The following CNTN4 variants were observed in gnomAD, a reference collection of about 807,000 sequenced individuals.
The protein encoded by CNTN4 is contactin-4.
A neutral mutation model predicts 122.5 loss-of-function variants in CNTN4; 77 were observed. The observed-to-expected ratio is 0.63, with a 90% CI of 0.52 to 0.76. The LOEUF (loss-of-function observed/expected upper bound fraction) is 0.76, where lower values mean the gene tolerates loss of function less well. Ranked by LOEUF, CNTN4 falls within the 30% of genes least tolerant of loss-of-function variation. CNTN4 has a pLI of 0.00. For missense variants in CNTN4, 1,256 were observed against 1,259.1 expected (o/e 1.00, Z 0.04); for synonymous variants, 512 against 447.0 (o/e 1.15, Z -1.83).
chr3:2,932,065 G>A (rs1016125788), intron 13 of CNTN4, among the ~76,000 whole-genome samples: 5 of 151,382 alleles, frequency 3.3e-5, no homozygotes, highest in Non-Finnish European at 5.9e-5. Flanking sequence ...GGGGTGGGGG[G>A]TGGGAGTTTG....
intron 6 of CNTN4, among the ~76,000 whole-genome samples, chr3:2,754,434 G>T (rs1278968721): frequency 3.3e-5 from 5 of 152,038 alleles, no homozygotes; most frequent in Non-Finnish European, 5.9e-5. Context: ...GCATTATCAT[G>T]GTCATGGGCA....
At chr3:2,461,764 T>A (rs2049220432) in intron 3 of CNTN4, among the ~76,000 whole-genome samples, 1 of 152,256 alleles carries the variant, frequency 6.6e-6, no homozygotes, top group Admixed American at 6.5e-5. Context: ...TTCTAAGTGC[T>A]TTTTATATTG....
intron 4 of CNTN4, among the ~76,000 whole-genome samples, chr3:2,701,325 A>C (rs889343023): frequency 5.9e-5 from 9 of 152,166 alleles, no homozygotes. Context: ...TGAGAAATGA[A>C]TTAGATACAG....
At chr3:3,003,684 CAAAAAAA>C (rs58290160) in intron 14 of CNTN4, among the ~76,000 whole-genome samples, 9 of 76,980 alleles carry the variant, frequency 1.2e-4, no homozygotes, top group Admixed American at 5.3e-4. Flanking sequence ...ATGGTTGCAC[CAAAAAAA>C]AAAAAAAAAA....
At chr3:2,567,890 CT>C in intron 3 of CNTN4, among the ~76,000 whole-genome samples, 1 of 152,066 alleles carries the variant, frequency 6.6e-6, no homozygotes, top group East Asian at 1.9e-4. Context: ...CAGTGATAAT[CT>C]TTTGCTTCCT....
At chr3:2,768,179 G>C (rs1415506399) in intron 6 of CNTN4, among the ~76,000 whole-genome samples, 2 of 152,116 alleles carry the variant, frequency 1.3e-5, no homozygotes, top group Non-Finnish European at 2.9e-5. Context: ...CATTTGACCA[G>C]GTGGCCTCGA....
At chr3:2,429,032 C>G (rs1297290643) in intron 3 of CNTN4, among the ~76,000 whole-genome samples, 3 of 152,246 alleles carry the variant, frequency 2.0e-5, no homozygotes, top group East Asian at 3.9e-4. Context: ...CCTTCTTTTG[C>G]TCAGAGAGGT....
intron 3 of CNTN4, among the ~76,000 whole-genome samples, chr3:2,346,781 T>C (rs1329424404): frequency 1.3e-5 from 2 of 152,216 alleles, no homozygotes; most frequent in Non-Finnish European, 2.9e-5. Context: ...TTTGGAGTTC[T>C]GCAGTTTCAC....
chr3:2,167,573 G>A (rs2036256560), intron 2 of CNTN4, among the ~76,000 whole-genome samples: 1 of 152,028 alleles, frequency 6.6e-6, no homozygotes, highest in South Asian at 2.1e-4. Context: ...ACATCTCTCA[G>A]AATTGGACTA....
intron 3 of CNTN4, among the ~76,000 whole-genome samples, chr3:2,352,642 G>A (rs2044678931): frequency 6.6e-6 from 1 of 152,182 alleles, no homozygotes; most frequent in Non-Finnish European, 1.5e-5. Flanking sequence ...CAGGGCTCAG[G>A]ACCTGCAGCC....
At chr3:2,804,490 G>C (rs1394557018) in intron 6 of CNTN4, among the ~76,000 whole-genome samples, 1 of 152,154 alleles carries the variant, frequency 6.6e-6, no homozygotes, top group Non-Finnish European at 1.5e-5. Context: ...ATTGTTCAGA[G>C]GATTCGATTT....
chr3:2,734,021 G>C (rs530474039), intron 4 of CNTN4, among the ~76,000 whole-genome samples: 3 of 152,082 alleles, frequency 2.0e-5, no homozygotes, highest in African/African-American at 7.2e-5. Context: ...TGTGTTTATG[G>C]GAAAATATTC....
intron 7 of CNTN4, among the ~76,000 whole-genome samples, chr3:2,854,977 T>A (rs1037737244): frequency 6.6e-6 from 1 of 152,246 alleles, no homozygotes; most frequent in African/African-American, 2.4e-5. Flanking sequence ...CTATTAATTA[T>A]GATTTGTCCA....
chr3:2,110,521 A>G (rs930605180), intron 2 of CNTN4: 2 of 152,230 alleles, frequency 1.3e-5, no homozygotes, highest in African/African-American at 4.8e-5. Flanking sequence ...AAGTGTTGAG[A>G]CCGACACTGG....
chr3:2,926,387 G>T (rs1452658511), intron 13 of CNTN4, among the ~76,000 whole-genome samples: 1 of 152,040 alleles, frequency 6.6e-6, no homozygotes, highest in Admixed American at 6.5e-5. Context: ...AATGCATGTA[G>T]TGTATACAAT....
rs144886447 is a variant in CNTN4, at chr3:2,882,226, A to G, written c.653-919A>G. Among the ~76,000 whole-genome samples, 626 of 152,196 alleles carry G rather than the reference A, an allele frequency of 4.1e-3. 6 individuals carry two copies. The highest frequency in any genetic ancestry group is 0.013 in the African/African-American group (555 of 41,528). ...AAAAATACAAAAAAATTAGCTGGGC[A>G]TGGTGGTGCACAACTGTAGTCCTAG... is the stretch of plus-strand genomic sequence containing the variant. On this transcript the variant is annotated intron_variant, in intron 8 of 24. Coordinates refer to ENST00000418658, the MANE Select transcript of CNTN4 (RefSeq NM_175607.3).
intron 3 of CNTN4, among the ~76,000 whole-genome samples, chr3:2,512,735 G>A (rs920142042): frequency 6.6e-6 from 1 of 152,152 alleles, no homozygotes; most frequent in African/African-American, 2.4e-5. Context: ...TTAAAATCAT[G>A]AATACCTGAA....
chr3:2,759,392 C>A (rs1264271468), intron 6 of CNTN4, among the ~76,000 whole-genome samples: 2 of 152,122 alleles, frequency 1.3e-5, no homozygotes, highest in Non-Finnish European at 1.5e-5. Context: ...GGTGATCTGC[C>A]CGCCTCGGCC....
chr3:2,296,614 C>G (rs934361999), intron 2 of CNTN4, among the ~76,000 whole-genome samples: 1 of 151,918 alleles, frequency 6.6e-6, no homozygotes, highest in Non-Finnish European at 1.5e-5. Flanking sequence ...TGCGTAGATA[C>G]AAATGTTACC....
Sources: gnomAD v4.1 joint callset for allele counts (sites outside exome capture counted in the v4.1 genomes callset) on GRCh38, gnomAD v4.1.1 for gene constraint, MANE v1.5 for transcripts, NCBI Gene and HGNC (gene_info 2026-07-23, HGNC 2026-07-21) for gene names.